ODAD2: variants seen among roughly 807,000 people sequenced by gnomAD.
The protein encoded by ODAD2 is outer dynein arm docking complex subunit 2.
Under a neutral mutation model 106.8 loss-of-function variants are expected in ODAD2, and 89 were observed. That is an observed-to-expected ratio of 0.83 (90% CI 0.70 to 0.99). The LOEUF (loss-of-function observed/expected upper bound fraction) is 0.99. Among genes scored for constraint, ODAD2 ranks in the 50% least tolerant of loss-of-function variants. The probability of loss-of-function intolerance (pLI) is 0.00; values close to 1 mark genes in which losing one functional copy is unlikely to be tolerated. For synonymous variants in ODAD2, 404 were observed against 436.2 expected (o/e 0.93, Z 0.92); for missense variants, 1,168 against 1,238.5 (o/e 0.94, Z 0.85).
At chr10:27,856,916 G>A (rs1222676774) in intron 19 of ODAD2, among the ~76,000 whole-genome samples, 2 of 152,086 alleles carry the variant, frequency 1.3e-5, no homozygotes, top group African/African-American at 2.4e-5. Context: ...GCAGTGAGCC[G>A]AGATTGAGCT....
rs973453172 is a variant in ODAD2, at chr10:27,928,446, C to T, written c.2495+6564G>A. 3.6e-4 allele frequency among the ~76,000 whole-genome samples: 55 copies of T among 152,084 alleles called. 1 individual carries two copies. Among genetic ancestry groups the T allele is most frequent in the Admixed American group, 3.6e-3 (55 of 15,258 alleles). On this transcript the variant is annotated intron_variant, in intron 16 of 19. Transcript: ENST00000305242. The stretch of plus-strand genomic sequence containing the variant: ...ATGATCCCCTAACAAGGTTTCCTGT[C>T]TCTATTAATGCTAAAAACCTTCAAT...
intron 17 of ODAD2, among the ~76,000 whole-genome samples, chr10:27,894,730 T>TAA (rs5784032): frequency 1.2e-3 from 171 of 144,958 alleles, no homozygotes; most frequent in Middle Eastern, 3.5e-3. Context: ...GCATGTGCAT[T>TAA]AAAAAAAAAA....
intron 16 of ODAD2, among the ~76,000 whole-genome samples, chr10:27,910,385 T>C (rs1312725617): frequency 6.6e-6 from 1 of 152,108 alleles, no homozygotes. Context: ...GGTATTTAAA[T>C]TTTTTAGGGG....
chr10:27,920,271 C>T (rs1857616), intron 16 of ODAD2, among the ~76,000 whole-genome samples: 152,013 of 152,298 alleles, frequency 1, 75,865 homozygotes, highest in Non-Finnish European at 1. Context: ...TTCACTTTCC[C>T]TTATGTATAG....
Position 27,984,237 on chromosome 10 carries a change from C to G in ODAD2, c.629G>C (p.Arg210Pro). ...TVKKDIELLK[R>P]FSGKGNQTVL... ...TGTTTGGTTTCCTTTTCCTGAGAAA[C>G]GTTTGAGCAGTTCTATATCCTTCTT... Residue 210 changes from arginine (R) to proline (P), a missense_variant, in exon 5 of 20, where the codon CGT becomes CCT. By Grantham distance (103) the Arg-to-Pro change is moderately radical (BLOSUM62 -2). Around this residue, in one of 3 missense-constraint regions of ODAD2, gnomAD observed 430 missense variants for 452.2 expected, o/e 0.95. Transcript: ENST00000305242. The G allele has an allele frequency of 6.2e-7, 1 of 1,613,840 alleles. No individual in the cohort carries two copies. Among genetic ancestry groups the G allele is most frequent in the Non-Finnish European group, 8.5e-7 (1 of 1,179,846 alleles).
intron 17 of ODAD2, among the ~76,000 whole-genome samples, chr10:27,875,134 C>T (rs1176918027): frequency 6.6e-6 from 1 of 152,176 alleles, no homozygotes; most frequent in East Asian, 1.9e-4. Context: ...CCCTTTCTTC[C>T]AGTTGATTGA....
At chr10:27,844,186 C>A (rs1838532669) in intron 19 of ODAD2, among the ~76,000 whole-genome samples, 1 of 152,096 alleles carries the variant, frequency 6.6e-6, no homozygotes, top group Non-Finnish European at 1.5e-5. Context: ...CAGAGCAAGA[C>A]CCTGTCTCAA....
At chr10:27,982,843 T>C (rs961852526) in intron 6 of ODAD2, among the ~76,000 whole-genome samples, 1 of 152,204 alleles carries the variant, frequency 6.6e-6, no homozygotes, top group Non-Finnish European at 1.5e-5. Flanking sequence ...GGGATGAGAC[T>C]GAAAGTGTTT....
intron 16 of ODAD2, among the ~76,000 whole-genome samples, chr10:27,919,714 TGGAA>T (rs1844639339): frequency 6.6e-6 from 1 of 152,174 alleles, no homozygotes; most frequent in African/African-American, 2.4e-5. Context: ...GTGTACTATT[TGGAA>T]GTTTCTAGTA....
At chr10:27,887,769 C>T (rs1227697515) in intron 17 of ODAD2, among the ~76,000 whole-genome samples, 1 of 151,832 alleles carries the variant, frequency 6.6e-6, no homozygotes, top group Non-Finnish European at 1.5e-5. Flanking sequence ...AGAAAAACAA[C>T]ACATAAAATC....
At chr10:27,842,501 T>G (rs1033017314) in intron 19 of ODAD2, among the ~76,000 whole-genome samples, 1 of 152,198 alleles carries the variant, frequency 6.6e-6, no homozygotes, top group Non-Finnish European at 1.5e-5. Context: ...AAGCAATATA[T>G]GGGAATGGAG....
At chr10:27,889,701 C>G (rs1258745659) in intron 17 of ODAD2, among the ~76,000 whole-genome samples, 1 of 152,314 alleles carries the variant, frequency 6.6e-6, no homozygotes, top group East Asian at 1.9e-4. Flanking sequence ...GTCTCCCAGC[C>G]CTGTGTACTC....
At chr10:27,816,169 A>G (rs1337576406) in intron 19 of ODAD2, among the ~76,000 whole-genome samples, 3 of 152,188 alleles carry the variant, frequency 2.0e-5, no homozygotes, top group African/African-American at 7.2e-5. Context: ...TCACCCCAGT[A>G]AAGCCTACTT....
At chr10:27,842,381 T>G (rs975388388) in intron 19 of ODAD2, among the ~76,000 whole-genome samples, 1 of 152,222 alleles carries the variant, frequency 6.6e-6, no homozygotes, top group Non-Finnish European at 1.5e-5. Flanking sequence ...GTGAAGAATG[T>G]CATTTTCTGG....
intron 16 of ODAD2, among the ~76,000 whole-genome samples, chr10:27,923,942 T>TAGTGAAAG (rs1844971881): frequency 2.6e-5 from 2 of 76,732 alleles, no homozygotes; most frequent in East Asian, 7.7e-4. Flanking sequence ...AGACCCTGTC[T>TAGTGAAAG]AATGAAAGAA....
At chr10:27,843,395 A>G (rs1838457679) in intron 19 of ODAD2, among the ~76,000 whole-genome samples, 1 of 152,198 alleles carries the variant, frequency 6.6e-6, no homozygotes, top group Non-Finnish European at 1.5e-5. Flanking sequence ...ACCACCCAGC[A>G]TAACTGGGTA....
intron 17 of ODAD2, among the ~76,000 whole-genome samples, chr10:27,866,306 A>G (rs1324952290): frequency 6.6e-6 from 1 of 152,234 alleles, no homozygotes; most frequent in Non-Finnish European, 1.5e-5. Context: ...GAGTGGCAGA[A>G]GCAGGATTTG....
At chr10:27,925,508 C>G (rs1024713052) in intron 16 of ODAD2, among the ~76,000 whole-genome samples, 11 of 152,196 alleles carry the variant, frequency 7.2e-5, no homozygotes, top group Admixed American at 2.6e-4. Context: ...CAGGTGCACA[C>G]TACCATGCTC....
intron 16 of ODAD2, among the ~76,000 whole-genome samples, chr10:27,933,907 G>A (rs1845778634): frequency 6.6e-6 from 1 of 152,076 alleles, no homozygotes; most frequent in African/African-American, 2.4e-5. Flanking sequence ...AAGATACGTG[G>A]TTAGACGAAG....
Sources: gnomAD v4.1 joint callset for allele counts (sites outside exome capture counted in the v4.1 genomes callset) on GRCh38, gnomAD v4.1.1 for gene constraint, gnomAD v4.1.1 regional missense constraint, MANE v1.5 for transcripts, NCBI Gene and HGNC (gene_info 2026-07-23, HGNC 2026-07-21) for gene names.